Variants in ROBO2 observed in about 807,000 individuals in gnomAD.
ROBO2 encodes the protein roundabout homolog 2.
ROBO2 carries 53 observed loss-of-function variants against 160.8 expected under a neutral mutation model. That is an observed-to-expected ratio of 0.33 (90% CI 0.26 to 0.41). The LOEUF (loss-of-function observed/expected upper bound fraction) is 0.41, where lower values mean the gene tolerates loss of function less well. Ranked by LOEUF, ROBO2 falls within the 10% of genes least tolerant of loss-of-function variation. The probability of loss-of-function intolerance (pLI) is 1.00; values close to 1 mark genes in which losing one functional copy is unlikely to be tolerated. For missense variants in ROBO2, 1,577 were observed against 1,722.4 expected (o/e 0.92, Z 1.49); for synonymous variants, 664 against 611.7 (o/e 1.09, Z -1.26).
intron 2 of ROBO2, among the ~76,000 whole-genome samples, chr3:77,298,892 A>G (rs2062392359): frequency 6.6e-6 from 1 of 152,218 alleles, no homozygotes; most frequent in South Asian, 2.1e-4. Flanking sequence ...GAATTATAAT[A>G]AAACACTGAC....
At chr3:76,457,493 C>T (rs1442037765) in intron 2 of ROBO2, among the ~76,000 whole-genome samples, 2 of 152,156 alleles carry the variant, frequency 1.3e-5, no homozygotes, top group Non-Finnish European at 2.9e-5. Flanking sequence ...CTCCCTGCTG[C>T]TTTCATGGAC....
intron 4 of ROBO2, among the ~76,000 whole-genome samples, chr3:77,490,099 C>CT (rs753903306): frequency 0.072 from 9,148 of 126,596 alleles, 412 homozygotes; most frequent in Non-Finnish European, 0.083. Flanking sequence ...TTGTATTTTA[C>CT]TTTTTTTTTT....
At chr3:77,532,792 C>T (rs1009242702) in intron 6 of ROBO2, among the ~76,000 whole-genome samples, 9 of 149,308 alleles carry the variant, frequency 6.0e-5, no homozygotes, top group East Asian at 2.0e-4. Flanking sequence ...GTCTTTTAGC[C>T]TTTGTAACCC....
intron 5 of ROBO2, 95 bp from the exon 6 acceptor site, chr3:77,522,680 A>C (rs920369102): frequency 7.6e-7 from 1 of 1,309,676 alleles, no homozygotes; most frequent in African/African-American, 1.5e-5. Flanking sequence ...TGTTTAGGTA[A>C]AATACAGTAT....
rs1449950717 is a variant in ROBO2, at chr3:76,948,707, AT to A, written c.110-149304del. 2.8e-5 allele frequency among the ~76,000 whole-genome samples: 4 copies of A among 141,402 alleles called. No homozygotes were observed. The East Asian group carries it at 8.2e-4, about 29-fold the overall frequency. 92.8% of individuals were successfully genotyped at this position (141,402 alleles called of 152,430 possible). ...CCCCTCCACTGAGGCTATAATTATA[AT>A]TTAATTTTTTTTTTTTGAGATGGAG... is the stretch of plus-strand genomic sequence containing the variant. On this transcript the variant is annotated intron_variant, in intron 2 of 26. Coordinates refer to the ROBO2 transcript ENST00000487694.
At chr3:77,037,555 A>G (rs562213919), upstream of ROBO2, among the ~76,000 whole-genome samples, 11 of 152,276 alleles carry the variant, frequency 7.2e-5, no homozygotes, top group South Asian at 1.9e-3. Context: ...GTCATACCCT[A>G]CACAAGGATA....
At chr3:77,469,489 G>C (rs1004822260) in intron 2 of ROBO2, among the ~76,000 whole-genome samples, 3 of 152,144 alleles carry the variant, frequency 2.0e-5, no homozygotes, top group Non-Finnish European at 4.4e-5. Flanking sequence ...TGGCAGTGGT[G>C]TTGGTAGGGC....
At chr3:76,960,009 T>G (rs2079535557) in intron 2 of ROBO2, among the ~76,000 whole-genome samples, 1 of 152,114 alleles carries the variant, frequency 6.6e-6, no homozygotes, top group Non-Finnish European at 1.5e-5. Flanking sequence ...CTTAATGGCT[T>G]GTATTCTATG....
At chr3:77,309,985 G>A (rs2063404541) in intron 2 of ROBO2, among the ~76,000 whole-genome samples, 1 of 124,628 alleles carries the variant, frequency 8.0e-6, no homozygotes, top group Admixed American at 7.9e-5. Context: ...GTGGTAGTTA[G>A]ACAGTAGCTC....
intron 2 of ROBO2, among the ~76,000 whole-genome samples, chr3:75,961,140 A>G (rs935682777): frequency 6.6e-5 from 10 of 151,568 alleles, no homozygotes; most frequent in Non-Finnish European, 1.0e-4. Context: ...GCCCTAGTCT[A>G]TTTTGCTTTC....
In ROBO2 at chr3:76,819,031, C is replaced by T. The variant is rs536616984; in HGVS notation, c.110-278983C>T. Among the ~76,000 whole-genome samples the T allele has an allele frequency of 2.4e-4, 37 of 152,154 alleles. 1 individual carries two copies. Among genetic ancestry groups the T allele is most frequent in the Non-Finnish European group, 4.6e-4 (31 of 67,988 alleles). ...CAGAACCCAGGATAATGCATAAAGG[C>T]TTTCATTGATCTTAGGTATCCATTC... On this transcript the variant is annotated intron_variant, in intron 2 of 26. Coordinates refer to the ROBO2 transcript ENST00000487694.
At chr3:77,593,213 TAAA>T (rs35319274) in intron 17 of ROBO2, among the ~76,000 whole-genome samples, 1 of 144,140 alleles carries the variant, frequency 6.9e-6, no homozygotes, top group Admixed American at 6.9e-5. Flanking sequence ...GATAGTCCAT[TAAA>T]AAAAAAAAAA....
intron 2 of ROBO2, among the ~76,000 whole-genome samples, chr3:76,136,595 A>G (rs1323452199): frequency 6.6e-6 from 1 of 152,076 alleles, no homozygotes; most frequent in Non-Finnish European, 1.5e-5. Context: ...CTATCTACAT[A>G]CATTGCTTGC....
chr3:77,507,978 G>T (rs1024120929), intron 5 of ROBO2, among the ~76,000 whole-genome samples: 6 of 151,924 alleles, frequency 3.9e-5, no homozygotes, highest in African/African-American at 1.4e-4. Flanking sequence ...AAAGAGTGTT[G>T]CATATTAAGG....
intron 20 of ROBO2, among the ~76,000 whole-genome samples, chr3:77,605,706 A>G (rs1008218327): frequency 1.3e-5 from 2 of 152,156 alleles, no homozygotes; most frequent in Admixed American, 1.3e-4. Context: ...TACATTCTGA[A>G]TTCTGATTTT....
intron 1 of ROBO2, among the ~76,000 whole-genome samples, chr3:77,054,434 G>A (rs1343388354): frequency 6.6e-6 from 1 of 152,142 alleles, no homozygotes; most frequent in Non-Finnish European, 1.5e-5. Context: ...TATTTTCTGT[G>A]GAAGTCAAGG....
chr3:76,645,168 ATC>A (rs2090903179), intron 2 of ROBO2, among the ~76,000 whole-genome samples: 1 of 152,168 alleles, frequency 6.6e-6, no homozygotes, highest in African/African-American at 2.4e-5. Context: ...TTATTTTAAA[ATC>A]CAATAATTCT....
At chr3:77,642,789 A>T (rs562297695) in intron 24 of ROBO2, 2 of 456,712 alleles carry the variant, frequency 4.4e-6, no homozygotes, top group Admixed American at 4.7e-5. Flanking sequence ...CTCTAGAGAG[A>T]CAACATGCAT....
intron 7 of ROBO2, among the ~76,000 whole-genome samples, chr3:77,547,069 T>C (rs1474937566): frequency 6.6e-6 from 1 of 152,056 alleles, no homozygotes; most frequent in African/African-American, 2.4e-5. Flanking sequence ...TTGTCTTTGT[T>C]CTGCCCTGGT....
Sources: allele counts gnomAD v4.1 joint callset (sites outside exome capture counted in the v4.1 genomes callset), GRCh38; gene constraint gnomAD v4.1.1; transcripts MANE v1.5; gene names NCBI Gene and HGNC (gene_info 2026-07-23, HGNC 2026-07-21).